Variants in RAB11FIP3 observed in about 807,000 individuals in gnomAD.
The protein encoded by RAB11FIP3 is RAB11 family interacting protein 3.
Under a neutral mutation model 77.8 loss-of-function variants are expected in RAB11FIP3, and 17 were observed. The ratio of observed to expected loss-of-function variants is 0.22; its 90% CI spans 0.15 to 0.33. RAB11FIP3 has a LOEUF of 0.33. Among genes scored for constraint, RAB11FIP3 ranks in the 10% least tolerant of loss-of-function variants. RAB11FIP3 has a pLI of 1.00. For missense variants in RAB11FIP3, 1,005 were observed against 1,011.2 expected, an observed-to-expected ratio of 0.99 and a Z score of 0.08; for synonymous variants, 437 against 448.2, an observed-to-expected ratio of 0.98 and a Z score of 0.31.
At chr16:468,299 A>AGGAGGTGCTGGGACGTGAG (rs2055752511) in intron 2 of RAB11FIP3, among the ~76,000 whole-genome samples, 1 of 109,460 alleles carries the variant, frequency 9.1e-6, no homozygotes, top group African/African-American at 3.6e-5. Flanking sequence ...GGCGTCAGGG[A>AGGAGGTGCTGGGACGTGAG]GGAGGAGGTC....
rs1307247373 is a variant in RAB11FIP3, at chr16:520,841, G to A, written c.*2G>A. The A allele has an allele frequency of 1.2e-6, 2 of 1,612,500 alleles. No homozygotes were observed. The highest frequency in any genetic ancestry group is 2.2e-5 in the East Asian group (1 of 44,870). On this transcript the variant is annotated 3_prime_UTR_variant, in exon 14 of 14. Transcript: ENST00000262305. ...CCGTCCATCCTGGAGGTCAAGTAGA[G>A]GCAGGAAGGTCCAGCCTGAGCTGGA...
At chr16:467,222 C>T (rs1156344394) in intron 2 of RAB11FIP3, among the ~76,000 whole-genome samples, 2 of 152,136 alleles carry the variant, frequency 1.3e-5, no homozygotes, top group Non-Finnish European at 2.9e-5. Context: ...CTGCACCTGG[C>T]ATGTTTGGAG....
chr16:499,239 T>C (rs973389196), intron 6 of RAB11FIP3, among the ~76,000 whole-genome samples: 3 of 152,094 alleles, frequency 2.0e-5, no homozygotes, highest in Middle Eastern at 3.4e-3. Flanking sequence ...AGAGAAGCAT[T>C]GAGCTCTTAG....
rs542305259 is a variant in RAB11FIP3 at position 472,884 on chromosome 16, G to T, written c.903+1495G>T. Among the ~76,000 whole-genome samples, 2 of 152,148 alleles carry T rather than the reference G, an allele frequency of 1.3e-5. No homozygotes were observed. The highest frequency in any genetic ancestry group is 2.9e-5 in the Non-Finnish European group (2 of 68,036). ...GTTTGGGCCCTAAATCCAGTGACAG[G>T]TGTCCCTGGAAGACGGGAGAGACAC... On this transcript the variant is annotated intron_variant, in intron 3 of 13. Coordinates refer to ENST00000262305, the MANE Select transcript of RAB11FIP3 (RefSeq NM_014700.4). The surrounding 1 kb of genome is among the most constrained non-coding windows in gnomAD (Gnocchi z 4.1).
At position 484,549 on chromosome 16, in the gene RAB11FIP3, C is replaced by T. The variant is rs536585744; in HGVS notation, c.1115+1813C>T. Among the ~76,000 whole-genome samples the T allele has an allele frequency of 3.4e-3, 525 of 152,290 alleles. 5 individuals are homozygous for T. The highest frequency in any genetic ancestry group is 0.012 in the African/African-American group (506 of 41,562). On this transcript the variant is annotated intron_variant, in intron 4 of 13. Transcript: ENST00000262305. Reference sequence around the variant, plus strand: ...GTATTTTTTAGTAGAGACGGGGTTTCACCATGTTGGTCAGGCTGGTCTCCA... The same window carrying T: ...GTATTTTTTAGTAGAGACGGGGTTTTACCATGTTGGTCAGGCTGGTCTCCA...
chr16:520,791 C>A lies in RAB11FIP3; in HGVS notation c.2223C>A (p.Ile741=), dbSNP rs117823652. The change falls in exon 14 of 14, where the codon ATC becomes ATA. Residue 741 remains isoleucine (I), a synonymous_variant. Coordinates refer to ENST00000262305, the MANE Select transcript of RAB11FIP3 (RefSeq NM_014700.4). ...GCCTGCAGGACTACATCGACAGGAT[C>A]ATCGTGGCCATCATGGAGACCAACC... The part of the protein sequence containing the change: ...NFRLQDYIDR[I]IVAIMETNPS... 1.6e-3 allele frequency: 2,600 copies of A among 1,613,784 alleles called. 68 individuals are homozygous for A. In the East Asian group the frequency reaches 0.05, roughly 31 times the overall value.
intron 9 of RAB11FIP3, among the ~76,000 whole-genome samples, chr16:516,554 C>G (rs1394783988): frequency 1.3e-5 from 2 of 152,176 alleles, no homozygotes; most frequent in African/African-American, 4.8e-5. Context: ...TGCGTGAGTC[C>G]ATATGACACA....
intron 1 of RAB11FIP3, among the ~76,000 whole-genome samples, chr16:455,822 CT>C (rs1458479162): frequency 2.0e-5 from 3 of 152,148 alleles, no homozygotes; most frequent in African/African-American, 7.2e-5. Context: ...AACTCTTGGG[CT>C]CAAGTGATCC....
At chr16:460,996 A>T (rs1190446004) in intron 1 of RAB11FIP3, among the ~76,000 whole-genome samples, 2 of 150,408 alleles carry the variant, frequency 1.3e-5, no homozygotes, top group Non-Finnish European at 2.9e-5. Context: ...GTGGTGAAAA[A>T]GCCAAGCTCG....
chr16:463,077 A>C (rs1372654438), intron 2 of RAB11FIP3, among the ~76,000 whole-genome samples: 1 of 152,054 alleles, frequency 6.6e-6, no homozygotes. Context: ...TCGGTTCTTC[A>C]CAGTGGCCGT....
At chr16:457,910 CT>C (rs1266898947) in intron 1 of RAB11FIP3, among the ~76,000 whole-genome samples, 1 of 152,178 alleles carries the variant, frequency 6.6e-6, no homozygotes, top group African/African-American at 2.4e-5. Flanking sequence ...GGAATGAGGA[CT>C]TTTGTGAGAT....
intron 2 of RAB11FIP3, among the ~76,000 whole-genome samples, chr16:463,281 G>T (rs2055647114): frequency 6.6e-6 from 1 of 152,102 alleles, no homozygotes; most frequent in African/African-American, 2.4e-5. Flanking sequence ...GTCAGCAGGT[G>T]CAGTGAGGGA....
Position 521,580 on chromosome 16 carries a change from C to G in RAB11FIP3, c.*741C>G, listed in dbSNP as rs1002056028. 2.0e-5 allele frequency: 3 copies of G among 152,710 alleles called. No homozygotes were observed. The highest frequency in any genetic ancestry group is 4.4e-5 in the Non-Finnish European group (3 of 68,418). 9.5% of individuals were successfully genotyped at this position (152,710 alleles called of 1,614,324 possible). On this transcript the variant is annotated 3_prime_UTR_variant, in exon 14 of 14. Transcript: ENST00000262305. ...CAGTAACCCCTGGGGGCTCTGACCACCTATGGGGGCCGGGCAGGAGCCTCT... is the reference window on the plus strand; with the variant it reads ...CAGTAACCCCTGGGGGCTCTGACCAGCTATGGGGGCCGGGCAGGAGCCTCT...
intron 1 of RAB11FIP3, among the ~76,000 whole-genome samples, chr16:431,395 T>C (rs2141839717): frequency 6.6e-6 from 1 of 152,280 alleles, no homozygotes; most frequent in Non-Finnish European, 1.5e-5. Flanking sequence ...TTTTTTTTTT[T>C]TTGAAATAGA....
At position 511,259 on chromosome 16, in the gene RAB11FIP3, T is replaced by C. The variant is rs13339522; in HGVS notation, c.1640+459T>C. Among the ~76,000 whole-genome samples, 288 of 55,424 alleles carry C rather than the reference T, an allele frequency of 5.2e-3. 1 individual carries two copies. The highest frequency in any genetic ancestry group is 0.013 in the African/African-American group (152 of 12,104). 36.4% of individuals were successfully genotyped at this position (55,424 alleles called of 152,430 possible). On this transcript the variant is annotated intron_variant, in intron 9 of 13. Coordinates refer to ENST00000262305, the MANE Select transcript of RAB11FIP3 (RefSeq NM_014700.4). Reference sequence around the variant, plus strand: ...CAGGCAGGAGAGGTTCCCGACAGCCTGCCCACCCCAGAAACTGCAGGCCAG... The same window carrying C: ...CAGGCAGGAGAGGTTCCCGACAGCCCGCCCACCCCAGAAACTGCAGGCCAG...
In RAB11FIP3 at chr16:426,541, G is replaced by C. The variant is rs921555437; in HGVS notation, c.535G>C (p.Gly179Arg). Residue 179 changes from glycine to arginine, a missense_variant, in exon 1 of 14, where the codon GGG becomes CGG. Gly to Arg is a moderately radical substitution (Grantham distance 125). This residue lies in a region of RAB11FIP3 where 466 missense variants were observed against 408.3 expected (regional missense o/e 1.14). Coordinates refer to ENST00000262305, the MANE Select transcript of RAB11FIP3 (RefSeq NM_014700.4). This position sits in a 1 kb window ranked among gnomAD's most constrained non-coding sequence, Gnocchi z 5.0. ...AGELALEQGP[G>R]SPPQPSDLSQ... ...CGAGCTGGCGCTGGAGCAAGGTCCC[G>C]GGTCCCCGCCGCAGCCCTCGGACCT... is the stretch of plus-strand genomic sequence containing the variant. The C allele has an allele frequency of 3.2e-6, 5 of 1,569,292 alleles. 1 individual carries two copies. The South Asian group carries it at 5.8e-5, about 18-fold the overall frequency.
At chr16:494,104 ATG>A (rs1491391207) in intron 5 of RAB11FIP3, among the ~76,000 whole-genome samples, 1 of 29,666 alleles carries the variant, frequency 3.4e-5, no homozygotes, top group Non-Finnish European at 6.8e-5. Flanking sequence ...GGGTTTCACC[ATG>A]TCTCAATCTC....
chr16:489,815 C>T (rs2030011396), intron 5 of RAB11FIP3, among the ~76,000 whole-genome samples: 1 of 152,158 alleles, frequency 6.6e-6, no homozygotes, highest in Non-Finnish European at 1.5e-5. Context: ...GGTCCCCCTC[C>T]TTTTGTTTCC....
intron 6 of RAB11FIP3, among the ~76,000 whole-genome samples, chr16:498,587 A>C (rs990952242): frequency 6.6e-6 from 1 of 152,026 alleles, no homozygotes; most frequent in Non-Finnish European, 1.5e-5. Context: ...ACAGCTCTCA[A>C]TAGTTTTCAC....
Sources: gnomAD v4.1 joint callset for allele counts (sites outside exome capture counted in the v4.1 genomes callset) on GRCh38, gnomAD v4.1.1 for gene constraint, gnomAD v4.1.1 regional missense constraint, Gnocchi (gnomAD v3.1) non-coding constraint, MANE v1.5 for transcripts, NCBI Gene and HGNC (gene_info 2026-07-23, HGNC 2026-07-21) for gene names.